PPME1: variants seen among roughly 807,000 people sequenced by gnomAD.
PPME1 encodes protein phosphatase methylesterase 1.
A neutral mutation model predicts 56.9 loss-of-function variants in PPME1; 17 were observed. The observed-to-expected ratio is 0.30, with a 90% CI of 0.20 to 0.45. The LOEUF is 0.45. Ranked by LOEUF, PPME1 falls within the 20% of genes least tolerant of loss-of-function variation. The pLI is 1.00. For synonymous variants in PPME1, 122 were observed against 156.2 expected (o/e 0.78, Z 1.63); for missense variants, 357 against 483.2 (o/e 0.74, Z 2.45).
chr11:74,200,167 GTATC>G (rs1387853893), intron 1 of PPME1, among the ~76,000 whole-genome samples: 1 of 152,142 alleles, frequency 6.6e-6, no homozygotes, highest in Non-Finnish European at 1.5e-5. Flanking sequence ...TGACTATAAA[GTATC>G]TAGGCATAAA....
At chr11:74,199,955 C>G (rs1476087034) in intron 1 of PPME1, among the ~76,000 whole-genome samples, 1 of 152,188 alleles carries the variant, frequency 6.6e-6, no homozygotes, top group African/African-American at 2.4e-5. Context: ...CAGGTCCCCC[C>G]ACAACACATG....
intron 4 of PPME1, among the ~76,000 whole-genome samples, chr11:74,224,259 T>C (rs1197849153): frequency 1.4e-5 from 2 of 148,122 alleles, no homozygotes; most frequent in Admixed American, 1.3e-4. Flanking sequence ...GTTGTAGATA[T>C]GTGGCGATAT....
At chr11:74,215,904 C>T (rs1239255177) in intron 3 of PPME1, among the ~76,000 whole-genome samples, 1 of 151,984 alleles carries the variant, frequency 6.6e-6, no homozygotes, top group Non-Finnish European at 1.5e-5. Flanking sequence ...TAAAAAGAGG[C>T]AAAAGTCATT....
intron 5 of PPME1, among the ~76,000 whole-genome samples, chr11:74,229,560 A>T (rs1211934476): frequency 1.3e-5 from 2 of 152,138 alleles, no homozygotes; most frequent in Admixed American, 1.3e-4. Flanking sequence ...ACACCTTTCT[A>T]GTTTCTCAGA....
At chr11:74,179,865 C>T (rs2135592650) in intron 1 of PPME1, among the ~76,000 whole-genome samples, 1 of 152,228 alleles carries the variant, frequency 6.6e-6, no homozygotes, top group East Asian at 1.9e-4. Context: ...ACAGTGGTGC[C>T]TTGATTTAAA....
chr11:74,199,476 T>C (rs919402677), intron 1 of PPME1, among the ~76,000 whole-genome samples: 2 of 152,188 alleles, frequency 1.3e-5, no homozygotes, highest in African/African-American at 4.8e-5. Context: ...ATCCTTTTTT[T>C]TGGGAGAGAC....
At chr11:74,242,792 T>C (rs1859398372) in intron 9 of PPME1, among the ~76,000 whole-genome samples, 1 of 140,874 alleles carries the variant, frequency 7.1e-6, no homozygotes. Context: ...GGCAGGAGAA[T>C]CGCTTGAACC....
At chr11:74,200,854 T>G (rs1403611199) in intron 1 of PPME1, among the ~76,000 whole-genome samples, 1 of 152,106 alleles carries the variant, frequency 6.6e-6, no homozygotes, top group Non-Finnish European at 1.5e-5. Context: ...ATTTTTATTT[T>G]TATTATTGTT....
chr11:74,251,249 C>A (rs1591073681), intron 12 of PPME1: 1 of 1,385,448 alleles, frequency 7.2e-7, no homozygotes, highest in Non-Finnish European at 9.3e-7. Flanking sequence ...TCCCAGGGCC[C>A]TGTGGTTAAG....
intron 3 of PPME1, among the ~76,000 whole-genome samples, chr11:74,211,892 A>T (rs1434270564): frequency 6.6e-6 from 1 of 152,206 alleles, no homozygotes; most frequent in East Asian, 1.9e-4. Flanking sequence ...TAATTAGCAA[A>T]ATATAAAGTG....
intron 7 of PPME1, among the ~76,000 whole-genome samples, chr11:74,231,742 T>G (rs965222155): frequency 6.6e-6 from 1 of 152,232 alleles, no homozygotes; most frequent in Non-Finnish European, 1.5e-5. Context: ...AGATTTACTT[T>G]CTGTGTTTCA....
At chr11:74,190,201 A>T (rs1857797154) in intron 1 of PPME1, among the ~76,000 whole-genome samples, 1 of 152,170 alleles carries the variant, frequency 6.6e-6, no homozygotes, top group African/African-American at 2.4e-5. Flanking sequence ...TGGTCCCTTG[A>T]TAGGGTTAGA....
Position 74,171,408 on chromosome 11 carries a change from G to T in PPME1, c.-14G>T. 1 of 1,605,732 alleles carries T rather than the reference G, an allele frequency of 6.2e-7. No individual in the cohort carries two copies. Among genetic ancestry groups the T allele is most frequent in the East Asian group, 2.2e-5 (1 of 44,572 alleles). On this transcript the variant is annotated 5_prime_UTR_variant, in exon 1 of 14. Transcript: ENST00000328257. ...TCGCCTACTGTTTGACTACGTGCGT[G>T]CAGCCTCCCCTCGATGTCGGCCCTC... is the stretch of plus-strand genomic sequence containing the variant.
rs775253017 is a variant in PPME1 at position 74,251,708 on chromosome 11, T to C, written c.1135T>C (p.Phe379Leu). 6.2e-7 allele frequency: 1 copy of C among 1,614,004 alleles called. No homozygotes were observed. The highest frequency in any genetic ancestry group is 8.5e-7 in the Non-Finnish European group (1 of 1,179,882). ...RHRFAEPIGG[F>L]QCVFPGC ...CAGGTTTGCAGAACCCATCGGTGGA[T>C]TCCAGTGGTAAGGCGGGTACAAGGG... The change falls in exon 13 of 14, where the codon TTC becomes CTC. Residue 379 changes from phenylalanine (F) to leucine (L), a missense_variant. Physicochemically the swap from Phe to Leu is conservative, Grantham distance 22. This residue lies in a region of PPME1 where 182 missense variants were observed against 293.8 expected (regional missense o/e 0.62). Coordinates refer to ENST00000328257, the MANE Select transcript of PPME1 (RefSeq NM_016147.3).
At chr11:74,197,042 GC>G (rs1245993575) in intron 1 of PPME1, among the ~76,000 whole-genome samples, 2 of 152,156 alleles carry the variant, frequency 1.3e-5, no homozygotes, top group Non-Finnish European at 2.9e-5. Flanking sequence ...TGGTTCAAAT[GC>G]CTCTGACAAA....
chr11:74,173,372 T>C (rs1189673345), intron 1 of PPME1, among the ~76,000 whole-genome samples: 1 of 152,148 alleles, frequency 6.6e-6, no homozygotes, highest in African/African-American at 2.4e-5. Flanking sequence ...TTAATAATTA[T>C]ACATTCCTTA....
intron 1 of PPME1, among the ~76,000 whole-genome samples, chr11:74,184,430 C>G (rs561616697): frequency 6.6e-6 from 1 of 152,130 alleles, no homozygotes; most frequent in Non-Finnish European, 1.5e-5. Context: ...CTTGGTATTC[C>G]CACCATCAAC....
At chr11:74,188,107 T>A (rs893280305) in intron 1 of PPME1, among the ~76,000 whole-genome samples, 1 of 152,196 alleles carries the variant, frequency 6.6e-6, no homozygotes. Context: ...AACTCATTGC[T>A]ACTATTCTGG....
rs765100253 is a variant in PPME1 at position 74,253,498 on chromosome 11, T to C, written c.1149T>C (p.Phe383=). 11 of 1,608,674 alleles carry C rather than the reference T, an allele frequency of 6.8e-6. No homozygotes were observed. The South Asian group carries it at 9.9e-5, about 14-fold the overall frequency. Residue 383 remains phenylalanine (F), a synonymous_variant, in exon 14 of 14, where the codon TTT becomes TTC. Coordinates refer to ENST00000328257, the MANE Select transcript of PPME1 (RefSeq NM_016147.3). ...AEPIGGFQCV[F]PGC The stretch of plus-strand genomic sequence containing the variant: ...TCTTTCTGTTCTTCCACAGTGTGTT[T>C]CCTGGCTGTTAGTGACCTGCTGTCC...
Sources: gnomAD v4.1 joint callset for allele counts (sites outside exome capture counted in the v4.1 genomes callset) on GRCh38, gnomAD v4.1.1 for gene constraint, gnomAD v4.1.1 regional missense constraint, MANE v1.5 for transcripts, NCBI Gene and HGNC (gene_info 2026-07-23, HGNC 2026-07-21) for gene names.